Variants in RAB27B observed in about 807,000 individuals in gnomAD.
RAB27B encodes the protein ras-related protein Rab-27B.
A neutral mutation model predicts 24.6 loss-of-function variants in RAB27B; 15 were observed. The ratio of observed to expected loss-of-function variants is 0.61; its 90% CI spans 0.41 to 0.94. RAB27B has a LOEUF of 0.94. Among genes scored for constraint, RAB27B ranks in the 40% least tolerant of loss-of-function variants. The probability of loss-of-function intolerance (pLI) is 0.00; values close to 1 mark genes in which losing one functional copy is unlikely to be tolerated. For synonymous variants in RAB27B, 105 were observed against 92.5 expected (o/e 1.14, Z -0.78); for missense variants, 261 against 266.8 (o/e 0.98, Z 0.15).
At position 54,836,793 on chromosome 18, in the gene RAB27B, T is replaced by C. The variant is rs537348834; in HGVS notation, c.-20+8093T>C. 4.6e-5 allele frequency among the ~76,000 whole-genome samples: 7 copies of C among 151,956 alleles called. No homozygotes were observed. The East Asian group carries it at 1.4e-3, about 29-fold the overall frequency. On this transcript the variant is annotated intron_variant, in intron 1 of 5. Coordinates refer to ENST00000262094, the MANE Select transcript of RAB27B (RefSeq NM_004163.4). Reference sequence around the variant, plus strand: ...ACATGCATTGTGCATAGTCACTTGATCCAAAAGATGAAAATAAGAAATCCA... The same window carrying C: ...ACATGCATTGTGCATAGTCACTTGACCCAAAAGATGAAAATAAGAAATCCA...
chr18:54,874,518 T>C (rs1912612378), intron 1 of RAB27B, among the ~76,000 whole-genome samples: 1 of 151,876 alleles, frequency 6.6e-6, no homozygotes, highest in African/African-American at 2.4e-5. Flanking sequence ...GCTCATGACT[T>C]AGTGTTTCTT....
intron 2 of RAB27B, among the ~76,000 whole-genome samples, chr18:54,781,355 C>A (rs1194667550): frequency 6.6e-6 from 1 of 152,000 alleles, no homozygotes; most frequent in Non-Finnish European, 1.5e-5. Flanking sequence ...CTATCTCTGA[C>A]CTTCATGCTT....
rs149516908 is a variant in RAB27B, at chr18:54,722,115, A to G, written c.-20+3974A>G. Among the ~76,000 whole-genome samples, 134 of 152,320 alleles carry G rather than the reference A, an allele frequency of 8.8e-4. 1 individual carries two copies. The highest frequency in any genetic ancestry group is 1.4e-3 in the Admixed American group (21 of 15,292). On this transcript the variant is annotated intron_variant, in intron 2 of 4. Transcript: ENST00000586570. ...AATTTAATTTCCATGATGACTTACGAAGTGCTACAACTTTATGAACTAACT... is the reference window on the plus strand; with the variant it reads ...AATTTAATTTCCATGATGACTTACGGAGTGCTACAACTTTATGAACTAACT...
At chr18:54,752,165 T>A (rs773952885) in intron 2 of RAB27B, among the ~76,000 whole-genome samples, 1 of 152,196 alleles carries the variant, frequency 6.6e-6, no homozygotes, top group Admixed American at 6.5e-5. Flanking sequence ...GTGAGCTCAC[T>A]TTTTTCAAAT....
intron 2 of RAB27B, among the ~76,000 whole-genome samples, chr18:54,759,670 C>A (rs934357722): frequency 6.6e-6 from 1 of 152,166 alleles, no homozygotes; most frequent in Non-Finnish European, 1.5e-5. Context: ...GTTTGGCCCA[C>A]CCCTCCCCAC....
intron 4 of RAB27B, among the ~76,000 whole-genome samples, chr18:54,885,710 T>G (rs1482877138): frequency 6.6e-6 from 1 of 152,172 alleles, no homozygotes; most frequent in Non-Finnish European, 1.5e-5. Flanking sequence ...CTTGTTGTGT[T>G]AGTTCATTCT....
At chr18:54,795,432 A>G (rs1462628469) in intron 2 of RAB27B, among the ~76,000 whole-genome samples, 1 of 152,220 alleles carries the variant, frequency 6.6e-6, no homozygotes, top group African/African-American at 2.4e-5. Flanking sequence ...ATCAGGTGCT[A>G]CAGCCAAGGG....
At chr18:54,877,422 GC>G (rs1358991041) in intron 1 of RAB27B, 144 bp from the exon 2 acceptor site, 1 of 588,826 alleles carries the variant, frequency 1.7e-6, no homozygotes. Context: ...CCCTAAAGCT[GC>G]TTTGATCAAG....
intron 2 of RAB27B, among the ~76,000 whole-genome samples, chr18:54,738,070 C>A (rs1340655173): frequency 6.6e-6 from 1 of 152,084 alleles, no homozygotes; most frequent in East Asian, 1.9e-4. Context: ...AAAGAGAAAT[C>A]ACAGGTTTGT....
At chr18:54,733,654 C>G (rs945649822) in intron 2 of RAB27B, among the ~76,000 whole-genome samples, 8 of 128,828 alleles carry the variant, frequency 6.2e-5, no homozygotes, top group Non-Finnish European at 1.2e-4. Flanking sequence ...TCTAGAGCCC[C>G]CCCCCCCCAA....
At position 54,845,888 on chromosome 18, in the gene RAB27B, C is replaced by T. The variant is rs550684352; in HGVS notation, c.-20+17188C>T. On this transcript the variant is annotated intron_variant, in intron 1 of 5. Coordinates refer to ENST00000262094, the MANE Select transcript of RAB27B (RefSeq NM_004163.4). ...TTTATTTGTGACCCCAGAATCAATA[C>T]CATGGTGCTTTTGTAGTCATTTGCA... Among the ~76,000 whole-genome samples, 7 of 152,234 alleles carry T rather than the reference C, an allele frequency of 4.6e-5. No homozygotes were observed. In the South Asian group the frequency reaches 1.5e-3, roughly 32 times the overall value.
intron 2 of RAB27B, among the ~76,000 whole-genome samples, chr18:54,773,053 C>CT (rs759160406): frequency 1.0e-3 from 149 of 147,840 alleles, no homozygotes; most frequent in South Asian, 6.4e-3. Context: ...GCCTATACTT[C>CT]TTTTTTTTTT....
chr18:54,865,403 T>C (rs56156177), intron 1 of RAB27B, among the ~76,000 whole-genome samples: 52,875 of 151,990 alleles, frequency 0.35, 10,586 homozygotes, highest in Admixed American at 0.44. Context: ...CATGAAATTC[T>C]ATACCATAAT....
At chr18:54,769,365 T>G (rs2145066423) in intron 2 of RAB27B, among the ~76,000 whole-genome samples, 1 of 152,296 alleles carries the variant, frequency 6.6e-6, no homozygotes, top group East Asian at 1.9e-4. Context: ...GATGATTACA[T>G]AAGAACATCT....
At chr18:54,802,581 T>C (rs1294015257) in intron 2 of RAB27B, among the ~76,000 whole-genome samples, 7 of 152,254 alleles carry the variant, frequency 4.6e-5, no homozygotes, top group African/African-American at 1.7e-4. Context: ...GGTTTCTTGA[T>C]GTGTGATTTT....
At chr18:54,845,561 C>T (rs1393135617) in intron 1 of RAB27B, among the ~76,000 whole-genome samples, 5 of 151,846 alleles carry the variant, frequency 3.3e-5, no homozygotes, top group Non-Finnish European at 7.4e-5. Flanking sequence ...TTTTTAGCCT[C>T]ACCTTGTTTT....
intron 2 of RAB27B, among the ~76,000 whole-genome samples, chr18:54,812,766 G>T (rs1910006677): frequency 6.6e-6 from 1 of 152,010 alleles, no homozygotes; most frequent in African/African-American, 2.4e-5. Context: ...TGAAATACTA[G>T]AATAATTTAA....
intron 2 of RAB27B, among the ~76,000 whole-genome samples, chr18:54,771,591 A>AGT (rs36228307): frequency 0.031 from 4,434 of 144,916 alleles, 75 homozygotes; most frequent in Middle Eastern, 0.052. Context: ...CTGATAGTTT[A>AGT]GTGTGTGTGT....
At chr18:54,749,744 C>G (rs1907773535) in intron 2 of RAB27B, among the ~76,000 whole-genome samples, 1 of 152,084 alleles carries the variant, frequency 6.6e-6, no homozygotes, top group South Asian at 2.1e-4. Flanking sequence ...ATAAGGAGAG[C>G]TAATACAGAA....
Sources: allele counts gnomAD v4.1 joint callset (sites outside exome capture counted in the v4.1 genomes callset), GRCh38; gene constraint gnomAD v4.1.1; transcripts MANE v1.5; gene names NCBI Gene and HGNC (gene_info 2026-07-23, HGNC 2026-07-21).